The following CCSER1 variants were observed in gnomAD, a reference collection of about 807,000 sequenced individuals.
The protein encoded by CCSER1 is serine-rich coiled-coil domain-containing protein 1.
Under a neutral mutation model 82.0 loss-of-function variants are expected in CCSER1, and 41 were observed. That is an observed-to-expected ratio of 0.50 (90% CI 0.39 to 0.65). The LOEUF is 0.65. CCSER1 is among the 30% of genes least tolerant of loss of function. The pLI is 0.00. For missense variants in CCSER1, 1,119 were observed against 1,064.2 expected (o/e 1.05, Z -0.72); for synonymous variants, 414 against 383.9 (o/e 1.08, Z -0.92).
chr4:90,996,284 G>A (rs1237180774), intron 9 of CCSER1, among the ~76,000 whole-genome samples: 1 of 151,992 alleles, frequency 6.6e-6, no homozygotes, highest in Non-Finnish European at 1.5e-5. Flanking sequence ...TTAACTTTCT[G>A]TTTCACAAGC....
At chr4:90,627,899 T>G (rs1723610023) in intron 5 of CCSER1, 126 bp from the exon 6 acceptor site, 1 of 708,490 alleles carries the variant, frequency 1.4e-6, no homozygotes, top group Admixed American at 2.7e-5. Context: ...ATAAATAAAC[T>G]AATATCATGA....
chr4:91,246,819 T>TAC (rs1221506915), intron 10 of CCSER1, among the ~76,000 whole-genome samples: 7 of 115,216 alleles, frequency 6.1e-5, no homozygotes, highest in East Asian at 4.5e-4. Context: ...CATACACACA[T>TAC]ACACACATAC....
intron 8 of CCSER1, among the ~76,000 whole-genome samples, chr4:90,867,730 A>G (rs982478065): frequency 1.3e-5 from 2 of 151,404 alleles, no homozygotes; most frequent in Admixed American, 6.6e-5. Context: ...CCATCATTCC[A>G]CTCTTTGGCT....
At chr4:90,756,820 C>T (rs1246111399) in intron 7 of CCSER1, among the ~76,000 whole-genome samples, 2 of 152,022 alleles carry the variant, frequency 1.3e-5, no homozygotes, top group Non-Finnish European at 2.9e-5. Context: ...TTATTAAGTA[C>T]TTATTGAACA....
intron 10 of CCSER1, among the ~76,000 whole-genome samples, chr4:91,291,159 G>T (rs1318321216): frequency 6.6e-6 from 1 of 151,694 alleles, no homozygotes; most frequent in African/African-American, 2.4e-5. Flanking sequence ...TAAAGTGTTG[G>T]ATCCTTCCTT....
At chr4:90,948,348 C>A (rs534846048) in intron 9 of CCSER1, among the ~76,000 whole-genome samples, 1 of 151,674 alleles carries the variant, frequency 6.6e-6, no homozygotes, top group Non-Finnish European at 1.5e-5. Context: ...TTCAGGCAAT[C>A]TTTTCCAATT....
At chr4:90,213,555 G>A (rs1162109598) in intron 1 of CCSER1, among the ~76,000 whole-genome samples, 1 of 152,124 alleles carries the variant, frequency 6.6e-6, no homozygotes, top group Non-Finnish European at 1.5e-5. Flanking sequence ...ACATAATAAA[G>A]AGGAGAGGTC....
intron 7 of CCSER1, chr4:90,781,531 C>T (rs993747241): frequency 7.1e-6 from 7 of 983,656 alleles, no homozygotes; most frequent in Non-Finnish European, 6.0e-6. Context: ...AAACTTGAAA[C>T]ACTTTTTTTT....
intron 1 of CCSER1, among the ~76,000 whole-genome samples, chr4:90,150,049 A>T (rs2153349486): frequency 6.6e-6 from 1 of 152,288 alleles, no homozygotes; most frequent in Non-Finnish European, 1.5e-5. Context: ...TGCAATAAGT[A>T]GGGTTGGCCC....
chr4:91,411,491 C>CATATATATATATAT (rs770013398), intron 10 of CCSER1, among the ~76,000 whole-genome samples: 2,776 of 52,766 alleles, frequency 0.053, 276 homozygotes, highest in East Asian at 0.061. Flanking sequence ...TGCATATATA[C>CATATATATATATAT]ATATATATAT....
chr4:90,285,831 G>A (rs1160302176), intron 1 of CCSER1, among the ~76,000 whole-genome samples: 12 of 151,878 alleles, frequency 7.9e-5, no homozygotes, highest in Non-Finnish European at 4.4e-5. Flanking sequence ...ACTGTTGAGA[G>A]CTTTTATCAT....
At chr4:90,955,548 G>T (rs376034728) in intron 9 of CCSER1, among the ~76,000 whole-genome samples, 107 of 152,166 alleles carry the variant, frequency 7.0e-4, no homozygotes, top group African/African-American at 2.5e-3. Flanking sequence ...TAGTATATTG[G>T]GGTAAACTGA....
chr4:90,501,505 C>A (rs1246403951), intron 5 of CCSER1, among the ~76,000 whole-genome samples: 2 of 152,182 alleles, frequency 1.3e-5, no homozygotes, highest in African/African-American at 4.8e-5. Context: ...CGACTGTCCA[C>A]AACAACCAGC....
chr4:90,634,308 G>A (rs951080741), intron 6 of CCSER1, among the ~76,000 whole-genome samples: 6 of 151,520 alleles, frequency 4.0e-5, no homozygotes, highest in South Asian at 2.1e-4. Flanking sequence ...CAAAAGACCC[G>A]CCATTGATTA....
At chr4:91,159,771 TGA>T (rs1299618402) in intron 10 of CCSER1, among the ~76,000 whole-genome samples, 1 of 151,952 alleles carries the variant, frequency 6.6e-6, no homozygotes, top group Admixed American at 6.6e-5. Flanking sequence ...AGAAAATTTT[TGA>T]TGAACAAAAA....
At chr4:91,137,697 T>C (rs1288942179) in intron 10 of CCSER1, among the ~76,000 whole-genome samples, 7 of 151,546 alleles carry the variant, frequency 4.6e-5, no homozygotes, top group South Asian at 4.2e-4. Flanking sequence ...TTTTAATGAT[T>C]GCCATTCTAA....
At chr4:90,414,752 C>G (rs1365887255) in intron 4 of CCSER1, among the ~76,000 whole-genome samples, 1 of 151,910 alleles carries the variant, frequency 6.6e-6, no homozygotes, top group Non-Finnish European at 1.5e-5. Flanking sequence ...AAGACTTGAC[C>G]TTGAAATATT....
chr4:90,170,184 G>A (rs1052030150), intron 1 of CCSER1, among the ~76,000 whole-genome samples: 18 of 151,962 alleles, frequency 1.2e-4, no homozygotes, highest in Admixed American at 3.3e-4. Context: ...TGGCCAGAAC[G>A]TCTCTTGAAG....
At chr4:91,285,044 G>C (rs1423084327) in intron 10 of CCSER1, among the ~76,000 whole-genome samples, 1 of 152,004 alleles carries the variant, frequency 6.6e-6, no homozygotes, top group African/African-American at 2.4e-5. Flanking sequence ...GTGAACAGAA[G>C]ATGGGGTTTA....
Sources: allele counts gnomAD v4.1 joint callset (sites outside exome capture counted in the v4.1 genomes callset), GRCh38; gene constraint gnomAD v4.1.1; transcripts MANE v1.5; gene names NCBI Gene and HGNC (gene_info 2026-07-23, HGNC 2026-07-21).